Variants in TXK observed in about 807,000 individuals in gnomAD.
The protein encoded by TXK is TXK tyrosine kinase.
In TXK, 60 loss-of-function variants were observed where a neutral mutation model predicts 81.0. The observed-to-expected ratio is 0.74, with a 90% CI of 0.60 to 0.92. The LOEUF is 0.92. Ranked by LOEUF, TXK falls within the 40% of genes least tolerant of loss-of-function variation. The pLI, the probability that TXK is intolerant of heterozygous loss-of-function variation, is 0.00. For missense variants in TXK, 581 were observed against 638.3 expected (o/e 0.91, Z 0.97); for synonymous variants, 203 against 210.7 (o/e 0.96, Z 0.32).
intron 14 of TXK, among the ~76,000 whole-genome samples, chr4:48,070,408 A>C (rs1716789606): frequency 6.6e-6 from 1 of 152,214 alleles, no homozygotes; most frequent in Non-Finnish European, 1.5e-5. Context: ...AGGAGTCCTG[A>C]CTGCCAGAAG....
intron 10 of TXK, among the ~76,000 whole-genome samples, chr4:48,081,249 C>T (rs1435399573): frequency 6.6e-6 from 1 of 152,074 alleles, no homozygotes; most frequent in African/African-American, 2.4e-5. Context: ...AAGAAATCCA[C>T]CAAGTTGATA....
chr4:48,126,795 G>A (rs1252677398), intron 1 of TXK, among the ~76,000 whole-genome samples: 3 of 152,138 alleles, frequency 2.0e-5, no homozygotes, highest in Non-Finnish European at 4.4e-5. Context: ...GAGCCACCAT[G>A]CCTGGCCAAG....
intron 7 of TXK, 94 bp downstream of exon 7, chr4:48,095,049 C>A (rs1717930512): frequency 1.9e-6 from 2 of 1,076,430 alleles, no homozygotes; most frequent in Non-Finnish European, 2.8e-6. Context: ...GGTCAACAAT[C>A]TTTTCCCTAA....
chr4:48,125,648 C>T (rs1257775576), intron 1 of TXK, among the ~76,000 whole-genome samples: 2 of 152,160 alleles, frequency 1.3e-5, no homozygotes, highest in Non-Finnish European at 2.9e-5. Flanking sequence ...TGTACTGCAG[C>T]GCTTCAGCAA....
In TXK at chr4:48,129,365, T is replaced by G. The variant is rs965673114; in HGVS notation, c.16+4790A>C. Among the ~76,000 whole-genome samples, 19 of 151,804 alleles carry G rather than the reference T, an allele frequency of 1.3e-4. 1 individual carries two copies. The highest frequency in any genetic ancestry group is 4.6e-4 in the African/African-American group (19 of 41,044). Reference sequence around the variant, plus strand: ...TGTTTTTTTGACATTATACTGCCAGTGAAACCTTAAAGAAGGGAGGATAAC... The same window carrying G: ...TGTTTTTTTGACATTATACTGCCAGGGAAACCTTAAAGAAGGGAGGATAAC... On this transcript the variant is annotated intron_variant, in intron 1 of 14. Coordinates refer to ENST00000264316, the MANE Select transcript of TXK (RefSeq NM_003328.3).
chr4:48,098,116 G>A (rs1311984640), intron 6 of TXK, among the ~76,000 whole-genome samples: 2 of 152,208 alleles, frequency 1.3e-5, no homozygotes, highest in East Asian at 1.9e-4. Flanking sequence ...GAAAAAAATG[G>A]TATAGAGATG....
intron 9 of TXK, among the ~76,000 whole-genome samples, chr4:48,088,577 C>T (rs143538135): frequency 3.3e-5 from 5 of 152,208 alleles, no homozygotes; most frequent in Admixed American, 1.3e-4. Context: ...AAAACTGCAG[C>T]GTCCGATTCT....
chr4:48,118,759 T>C lies in TXK; in HGVS notation c.17-4357A>G, dbSNP rs556384836. Reference sequence around the variant, plus strand: ...GCAGTACCAATGACAATTTGATTAATTGATAACTGAGTTATTTCTCCAGCA... The same window carrying C: ...GCAGTACCAATGACAATTTGATTAACTGATAACTGAGTTATTTCTCCAGCA... On this transcript the variant is annotated intron_variant, in intron 1 of 14. Coordinates refer to ENST00000264316, the MANE Select transcript of TXK (RefSeq NM_003328.3). Among the ~76,000 whole-genome samples, 31 of 152,320 alleles carry C rather than the reference T, an allele frequency of 2.0e-4. No homozygotes were observed. In the South Asian group the frequency reaches 5.6e-3, roughly 27 times the overall value.
chr4:48,120,181 GTATA>G (rs1380598814), intron 1 of TXK, among the ~76,000 whole-genome samples: 34 of 92,564 alleles, frequency 3.7e-4, no homozygotes, highest in Non-Finnish European at 7.0e-4. Context: ...ACGTATATGT[GTATA>G]TATACATACA....
intron 1 of TXK, among the ~76,000 whole-genome samples, chr4:48,120,987 T>C (rs1718943445): frequency 6.6e-6 from 1 of 152,220 alleles, no homozygotes; most frequent in Non-Finnish European, 1.5e-5. Context: ...ATTGGTACCA[T>C]ATCCCTTGGC....
intron 8 of TXK, among the ~76,000 whole-genome samples, chr4:48,091,476 A>G (rs547019125): frequency 2.0e-5 from 3 of 151,984 alleles, no homozygotes; most frequent in Admixed American, 2.0e-4. Context: ...CCCAAGTAGG[A>G]GGGCACAGTC....
At chr4:48,120,243 G>A (rs1021551026) in intron 1 of TXK, among the ~76,000 whole-genome samples, 1 of 136,618 alleles carries the variant, frequency 7.3e-6, no homozygotes, top group Non-Finnish European at 1.6e-5. Flanking sequence ...ATGTATATAC[G>A]TATATGTGTA....
chr4:48,122,630 T>A (rs1261912094), intron 1 of TXK, among the ~76,000 whole-genome samples: 1 of 152,240 alleles, frequency 6.6e-6, no homozygotes, highest in African/African-American at 2.4e-5. Context: ...TTGTCTATTT[T>A]GTTCACAATT....
Position 48,071,381 on chromosome 4 carries a change from A to G in TXK, c.1515+136T>C, listed in dbSNP as rs1716846912. 6 of 842,890 alleles carry G rather than the reference A, an allele frequency of 7.1e-6. No homozygotes were observed. The South Asian group carries it at 1.1e-4, about 15-fold the overall frequency. 52.2% of individuals were successfully genotyped at this position (842,890 alleles called of 1,614,324 possible). On this transcript the variant is annotated intron_variant, in intron 14 of 14. Coordinates refer to ENST00000264316, the MANE Select transcript of TXK (RefSeq NM_003328.3). ...TGTAGTGAGTTTGAGATAGTACTTC[A>G]GACTCTCAGGATCATGACCAAGACA...
At chr4:48,067,758 G>T in intron 14 of TXK, 53 bp from the exon 15 acceptor site, 1 of 1,560,404 alleles carries the variant, frequency 6.4e-7, no homozygotes, top group South Asian at 1.1e-5. Context: ...TTATGCCAAG[G>T]GTTCCATTTT....
At chr4:48,087,368 T>C (rs992631068) in intron 9 of TXK, among the ~76,000 whole-genome samples, 1 of 152,176 alleles carries the variant, frequency 6.6e-6, no homozygotes, top group African/African-American at 2.4e-5. Context: ...TAAAATCTGA[T>C]AGTCCCTTCT....
At chr4:48,069,819 G>A (rs558451277) in intron 14 of TXK, among the ~76,000 whole-genome samples, 2 of 152,062 alleles carry the variant, frequency 1.3e-5, no homozygotes, top group East Asian at 1.9e-4. Flanking sequence ...ACACACACAC[G>A]TGTGTATTAT....
At chr4:48,094,277 C>T in intron 7 of TXK, 73 bp from the exon 8 acceptor site, 1 of 1,539,086 alleles carries the variant, frequency 6.5e-7, no homozygotes, top group Non-Finnish European at 8.9e-7. Context: ...CATTAAACAA[C>T]AGGACTCCAG....
At chr4:48,105,788 C>T (rs1042319708) in intron 5 of TXK, among the ~76,000 whole-genome samples, 1 of 152,206 alleles carries the variant, frequency 6.6e-6, no homozygotes, top group Non-Finnish European at 1.5e-5. Flanking sequence ...TCTCCCCTCA[C>T]TCACTAAGCT....
Sources: gnomAD v4.1 joint callset for allele counts (sites outside exome capture counted in the v4.1 genomes callset) on GRCh38, gnomAD v4.1.1 for gene constraint, MANE v1.5 for transcripts, NCBI Gene and HGNC (gene_info 2026-07-23, HGNC 2026-07-21) for gene names.